The following SMYD2 variants were observed in gnomAD, a reference collection of about 807,000 sequenced individuals.
SMYD2 encodes the protein SET and MYND domain containing 2.
Under a neutral mutation model 59.1 loss-of-function variants are expected in SMYD2, and 53 were observed. The observed-to-expected ratio is 0.90, with a 90% CI of 0.72 to 1.13. The LOEUF (loss-of-function observed/expected upper bound fraction) is 1.13. SMYD2 is among the 50% of genes most tolerant of loss of function. SMYD2 has a pLI of 0.00. For synonymous variants in SMYD2, 208 were observed against 198.8 expected (o/e 1.05, Z -0.39); for missense variants, 494 against 544.7 (o/e 0.91, Z 0.93).
intron 5 of SMYD2, among the ~76,000 whole-genome samples, chr1:214,320,481 C>T (rs932045752): frequency 3.6e-4 from 55 of 152,128 alleles, no homozygotes; most frequent in African/African-American, 1.2e-3. Context: ...AAGAAAGTGG[C>T]CAGGCACCAT....
chr1:214,327,463 A>G (rs1407105826), intron 6 of SMYD2, 159 bp from the exon 7 acceptor site: 9 of 603,524 alleles, frequency 1.5e-5, no homozygotes, highest in Non-Finnish European at 2.4e-5. Flanking sequence ...TTATCAGTGC[A>G]TGCAGAACAA....
At position 214,314,742 on chromosome 1, in the gene SMYD2, G is replaced by GT. The variant is rs766506367; in HGVS notation, c.238-13dup. ...AGTGTATGTGCTATTTTTTAATAAT[G>GT]TTTTTTTCAATCTTCCCAGAAAGAA... On this transcript the variant is annotated intron_variant, in intron 2 of 11. Coordinates refer to ENST00000366957, the MANE Select transcript of SMYD2 (RefSeq NM_020197.3). 1.0e-5 allele frequency: 16 copies of GT among 1,588,584 alleles called. No homozygotes were observed. Among genetic ancestry groups the GT allele is most frequent in the South Asian group, 1.0e-4 (9 of 90,328 alleles).
intron 11 of SMYD2, among the ~76,000 whole-genome samples, chr1:214,335,024 G>A (rs1187585882): frequency 1.3e-5 from 2 of 152,216 alleles, no homozygotes; most frequent in Non-Finnish European, 2.9e-5. Flanking sequence ...CACATCATGG[G>A]AGGTCAGAGT....
chr1:214,281,302 CA>C lies in SMYD2; in HGVS notation c.51del (p.Gly18AlafsTer89). 7.3e-7 allele frequency: 1 copy of C among 1,364,962 alleles called. No homozygotes were observed. The highest frequency in any genetic ancestry group is 2.0e-5 in the South Asian group (1 of 50,316). 84.6% of individuals were successfully genotyped at this position (1,364,962 alleles called of 1,614,324 possible). On this transcript the variant is annotated frameshift_variant, in exon 1 of 12. Transcript: ENST00000366957. LOFTEE classifies it high-confidence loss of function. ...GGLERFCSPG[K>X]GRGLRALQPF... ...GCCTGGAGCGCTTCTGCAGCCCGGG[CA>C]AAGGCCGGGGGCTGCGGGCTCTGCA...
At position 214,282,211 on chromosome 1, in the gene SMYD2, T is replaced by A. The variant is rs144372214; in HGVS notation, c.173+784T>A. Among the ~76,000 whole-genome samples the A allele has an allele frequency of 1.4e-4, 21 of 152,368 alleles. No individual in the cohort carries two copies. The East Asian group carries it at 3.9e-3, about 28-fold the overall frequency. ...CACATAATTATATCCTCAACTCTTATGAGAGTTTCAGAGCTTAAAGGCACA... is the reference window on the plus strand; with the variant it reads ...CACATAATTATATCCTCAACTCTTAAGAGAGTTTCAGAGCTTAAAGGCACA... On this transcript the variant is annotated intron_variant, in intron 1 of 11. Transcript: ENST00000366957.
chr1:214,336,480 G>T (rs968769647), intron 11 of SMYD2, among the ~76,000 whole-genome samples: 1 of 152,124 alleles, frequency 6.6e-6, no homozygotes, highest in African/African-American at 2.4e-5. Context: ...TGCAGTGAGC[G>T]GAGATCGCAC....
Position 214,334,312 on chromosome 1 carries a change from T to C in SMYD2, c.1221+4T>C, listed in dbSNP as rs748966292. Reference sequence around the variant, plus strand: ...AGGGGAGAAAGCCCTGAAGAAGGTATGTCTGTAACTCGGCCTTAGGATTCC... The same window carrying C: ...AGGGGAGAAAGCCCTGAAGAAGGTACGTCTGTAACTCGGCCTTAGGATTCC... On this transcript the variant is annotated splice_donor_region_variant and intron_variant, in intron 11 of 11. Transcript: ENST00000366957. 7 of 1,612,678 alleles carry C rather than the reference T, an allele frequency of 4.3e-6. No individual in the cohort carries two copies. The highest frequency in any genetic ancestry group is 2.2e-5 in the South Asian group (2 of 91,030).
intron 5 of SMYD2, among the ~76,000 whole-genome samples, chr1:214,321,975 T>C (rs993012480): frequency 1.3e-5 from 2 of 152,154 alleles, no homozygotes; most frequent in African/African-American, 4.8e-5. Flanking sequence ...ACAAGCAGTC[T>C]TCCACAGTAA....
At position 214,288,867 on chromosome 1, in the gene SMYD2, T is replaced by C. The variant is rs146358540; in HGVS notation, c.173+7440T>C. Among the ~76,000 whole-genome samples the C allele has an allele frequency of 2.8e-3, 426 of 152,108 alleles. 2 individuals are homozygous for C. The highest frequency in any genetic ancestry group is 9.6e-3 in the African/African-American group (398 of 41,504). ...GCTAGGACTAAACCAGAGTTAGTCA[T>C]CTCAGCCTTTATACCTACATATAAA... On this transcript the variant is annotated intron_variant, in intron 1 of 11. Transcript: ENST00000366957.
Position 214,336,730 on chromosome 1 carries a change from C to G in SMYD2, c.1248C>G (p.His416Gln). Residue 416 changes from histidine (H) to glutamine (Q), a missense_variant, in exon 12 of 12, where the codon CAC (histidine) becomes CAG (glutamine). By Grantham distance (24) the His-to-Gln change is conservative. Transcript: ENST00000366957. Reference protein sequence around the residue: ...KKAIAIMEVAHGKDHPYISEI... With the variant: ...KKAIAIMEVAQGKDHPYISEI... ...CCATTGCAATCATGGAAGTAGCTCA[C>G]GGCAAAGATCATCCATATATTTCTG... 1 of 1,613,680 alleles carries G rather than the reference C, an allele frequency of 6.2e-7. No homozygotes were observed. Among genetic ancestry groups the G allele is most frequent in the Non-Finnish European group, 8.5e-7 (1 of 1,179,916 alleles).
intron 6 of SMYD2, among the ~76,000 whole-genome samples, chr1:214,325,277 A>G (rs1405119363): frequency 1.3e-5 from 2 of 152,362 alleles, no homozygotes; most frequent in East Asian, 3.9e-4. Flanking sequence ...CAGTTGACAA[A>G]TGGAGATCTT....
intron 5 of SMYD2, 124 bp downstream of exon 5, chr1:214,319,107 C>G: frequency 1.5e-6 from 2 of 1,312,302 alleles, no homozygotes; most frequent in Non-Finnish European, 2.1e-6. Flanking sequence ...CAACGAAGCT[C>G]TGAGCCAATT....
chr1:214,283,098 A>G (rs1345999569), intron 1 of SMYD2, among the ~76,000 whole-genome samples: 1 of 152,198 alleles, frequency 6.6e-6, no homozygotes, highest in Admixed American at 6.5e-5. Flanking sequence ...AGTGAATGAA[A>G]GATCAAATCC....
At chr1:214,336,647 T>G in intron 11 of SMYD2, 57 bp from the exon 12 acceptor site, 11 of 1,518,804 alleles carry the variant, frequency 7.2e-6, no homozygotes, top group Non-Finnish European at 8.2e-6. Flanking sequence ...TTACCCTGGG[T>G]GGAGGTGTGA....
At chr1:214,288,229 A>G (rs945347394) in intron 1 of SMYD2, among the ~76,000 whole-genome samples, 5 of 152,250 alleles carry the variant, frequency 3.3e-5, no homozygotes, top group African/African-American at 9.6e-5. Context: ...TTTGCAGCCC[A>G]TAAAGCATTT....
chr1:214,330,403 A>G (rs1657333080), intron 8 of SMYD2, 125 bp downstream of exon 8: 3 of 598,856 alleles, frequency 5.0e-6, no homozygotes, highest in Non-Finnish European at 8.6e-6. Flanking sequence ...CCTCCTTACA[A>G]AGACAGCCAA....
chr1:214,287,736 A>C (rs917209506), intron 1 of SMYD2, among the ~76,000 whole-genome samples: 11 of 152,200 alleles, frequency 7.2e-5, no homozygotes, highest in African/African-American at 2.7e-4. Flanking sequence ...ATATACCTAC[A>C]CAGGTAAACC....
chr1:214,331,094 A>G (rs1657345494), intron 9 of SMYD2, 24 bp downstream of exon 9: 1 of 1,611,356 alleles, frequency 6.2e-7, no homozygotes, highest in Non-Finnish European at 8.5e-7. Context: ...CTGCCCTGAT[A>G]GCTTATTATC....
chr1:214,294,109 CAT>C (rs1316127622), intron 1 of SMYD2, among the ~76,000 whole-genome samples: 1 of 152,130 alleles, frequency 6.6e-6, no homozygotes, highest in African/African-American at 2.4e-5. Context: ...CTTACTGCCT[CAT>C]GTGCAAGGTT....
Sources: allele counts gnomAD v4.1 joint callset (sites outside exome capture counted in the v4.1 genomes callset), GRCh38; gene constraint gnomAD v4.1.1; transcripts MANE v1.5; gene names NCBI Gene and HGNC (gene_info 2026-07-23, HGNC 2026-07-21).